STAT4: variants seen among roughly 807,000 people sequenced by gnomAD.
STAT4 encodes the protein signal transducer and activator of transcription 4.
In STAT4, 42 loss-of-function variants were observed where a neutral mutation model predicts 110.5. The ratio of observed to expected loss-of-function variants is 0.38; its 90% CI spans 0.30 to 0.49. STAT4 has a LOEUF of 0.49. Among genes scored for constraint, STAT4 ranks in the 20% least tolerant of loss-of-function variants. STAT4 has a pLI of 0.95. For synonymous variants in STAT4, 284 were observed against 302.2 expected, an observed-to-expected ratio of 0.94 and a Z score of 0.63; for missense variants, 632 against 887.9, an observed-to-expected ratio of 0.71 and a Z score of 3.66.
At chr2:191,081,949 C>T (rs1053016758) in intron 3 of STAT4, among the ~76,000 whole-genome samples, 6 of 152,056 alleles carry the variant, frequency 3.9e-5, no homozygotes, top group Admixed American at 2.6e-4. Context: ...TTAAGTGTAC[C>T]CTGCTCAGTC....
chr2:191,136,549 C>T (rs543897840), intron 3 of STAT4, among the ~76,000 whole-genome samples: 5 of 152,188 alleles, frequency 3.3e-5, no homozygotes, highest in South Asian at 4.2e-4. Flanking sequence ...GTCAGGAGTT[C>T]GAGACCAGCC....
At chr2:191,052,556 C>T (rs1275325209) in intron 14 of STAT4, among the ~76,000 whole-genome samples, 4 of 152,096 alleles carry the variant, frequency 2.6e-5, no homozygotes, top group Admixed American at 1.3e-4. Context: ...CCTAGATTTC[C>T]GTCTCTAGGG....
chr2:191,151,371 T>C (rs1699586189), upstream of STAT4: 1 of 985,678 alleles, frequency 1.0e-6, no homozygotes, highest in South Asian at 4.7e-5. The surrounding 1 kb of genome is among the most constrained non-coding windows in gnomAD (Gnocchi z 4.7). Flanking sequence ...CTCCCTAGTA[T>C]AAGGCTCCAC....
Position 191,091,599 on chromosome 2 carries a change from T to C in STAT4, c.274-15274A>G, listed in dbSNP as rs1697798374. Among the ~76,000 whole-genome samples the C allele has an allele frequency of 6.6e-6, 1 of 152,164 alleles. No homozygotes were observed. The highest frequency in any genetic ancestry group is 6.5e-5 in the Admixed American group (1 of 15,276). On this transcript the variant is annotated intron_variant, in intron 3 of 23. Coordinates refer to ENST00000392320, the MANE Select transcript of STAT4 (RefSeq NM_003151.4). The surrounding 1 kb of genome is among the most constrained non-coding windows in gnomAD (Gnocchi z 5.4). ...GTCAATGAAGTGATCTTAAAGTTCA[T>C]ATGTGACAGAAAATGTCTGACAACA... is the stretch of plus-strand genomic sequence containing the variant.
chr2:191,140,191 G>T lies in STAT4; in HGVS notation c.273+6422C>A, dbSNP rs529483411. Reference sequence around the variant, plus strand: ...ACTTCTAGGCATTGGCTTAGGCAAAGAATTCATGGCTAAGACCCCACAAGC... The same window carrying T: ...ACTTCTAGGCATTGGCTTAGGCAAATAATTCATGGCTAAGACCCCACAAGC... On this transcript the variant is annotated intron_variant, in intron 3 of 23. Coordinates refer to ENST00000392320, the MANE Select transcript of STAT4 (RefSeq NM_003151.4). This position sits in a 1 kb window ranked among gnomAD's most constrained non-coding sequence, Gnocchi z 4.4. 3.3e-5 allele frequency among the ~76,000 whole-genome samples: 5 copies of T among 152,282 alleles called. No individual in the cohort carries two copies. The highest frequency in any genetic ancestry group is 3.9e-4 in the East Asian group (2 of 5,186).
Position 191,042,156 on chromosome 2 carries a change from T to C in STAT4, c.1252-1008A>G, listed in dbSNP as rs1219816379. 6.6e-6 allele frequency among the ~76,000 whole-genome samples: 1 copy of C among 152,140 alleles called. No homozygotes were observed. Among genetic ancestry groups the C allele is most frequent in the Non-Finnish European group, 1.5e-5 (1 of 68,026 alleles). ...CTTTGAAACAGCCAGATTCTAATAA[T>C]CACCCTAAGTCTACAGTTCTCAACA... On this transcript the variant is annotated intron_variant, in intron 14 of 23. Coordinates refer to ENST00000392320, the MANE Select transcript of STAT4 (RefSeq NM_003151.4). The surrounding 1 kb of genome is among the most constrained non-coding windows in gnomAD (Gnocchi z 4.2).
intron 18 of STAT4, among the ~76,000 whole-genome samples, chr2:191,034,302 A>G (rs1009512068): frequency 6.6e-6 from 1 of 152,008 alleles, no homozygotes; most frequent in Non-Finnish European, 1.5e-5. Flanking sequence ...GGGTGCCTGT[A>G]GTCCCAGCTA....
rs965433158 is a variant in STAT4 at position 191,051,802 on chromosome 2, G to A, written c.1251+2688C>T. 8.2e-5 allele frequency among the ~76,000 whole-genome samples: 8 copies of A among 97,820 alleles called. No homozygotes were observed. Among genetic ancestry groups the A allele is most frequent in the Non-Finnish European group, 1.6e-4 (7 of 44,418 alleles). 64.2% of individuals were successfully genotyped at this position (97,820 alleles called of 152,430 possible). A position where few individuals can be genotyped will look rare whatever the true frequency, so the allele number is the denominator to read the frequency against. The stretch of plus-strand genomic sequence containing the variant: ...CAGGGACACGGGATCAGACTGCCAC[G>A]GTTTTATCTTGGCCCTGCCATCAAC... On this transcript the variant is annotated intron_variant, in intron 14 of 23. Transcript: ENST00000392320. This position sits in a 1 kb window ranked among gnomAD's most constrained non-coding sequence, Gnocchi z 5.6.
intron 3 of STAT4, among the ~76,000 whole-genome samples, chr2:191,095,005 G>A (rs1361660087): frequency 6.7e-6 from 1 of 148,434 alleles, no homozygotes; most frequent in Non-Finnish European, 1.5e-5. Context: ...AAGAGACAAA[G>A]AAGGCCATCA....
At chr2:191,065,211 G>A (rs1040095453) in intron 7 of STAT4, among the ~76,000 whole-genome samples, 1 of 152,128 alleles carries the variant, frequency 6.6e-6, no homozygotes, top group Admixed American at 6.5e-5. Context: ...TATTGAATGT[G>A]TAACTCCTGC....
Position 191,147,996 on chromosome 2 carries a change from T to C in STAT4, c.128+80A>G. 6.3e-7 allele frequency: 1 copy of C among 1,583,920 alleles called. No homozygotes were observed. Among genetic ancestry groups the C allele is most frequent in the African/African-American group, 1.4e-5 (1 of 73,294 alleles). On this transcript the variant is annotated intron_variant, in intron 2 of 23. Transcript: ENST00000392320. This position sits in a 1 kb window ranked among gnomAD's most constrained non-coding sequence, Gnocchi z 4.1. ...AAGAATGCATCTACTGAGTAAAAAG[T>C]GGACCATAAAATAAATTCACATGGA...
At position 191,035,791 on chromosome 2, in the gene STAT4, G is replaced by A. The variant is rs369061506; in HGVS notation, c.1570+373C>T. Among the ~76,000 whole-genome samples, 1 of 152,194 alleles carries A rather than the reference G, an allele frequency of 6.6e-6. No homozygotes were observed. Among genetic ancestry groups the A allele is most frequent in the African/African-American group, 2.4e-5 (1 of 41,448 alleles). ...ACGATCATATGAGGCACCATTAAGG[G>A]TTCACCTCATATTTAGTGGAAATAT... On this transcript the variant is annotated intron_variant, in intron 17 of 23. Coordinates refer to ENST00000392320, the MANE Select transcript of STAT4 (RefSeq NM_003151.4). The surrounding 1 kb of genome is among the most constrained non-coding windows in gnomAD (Gnocchi z 4.7).
At chr2:191,064,717 G>T in intron 8 of STAT4, 90 bp downstream of exon 8, 2 of 1,449,456 alleles carry the variant, frequency 1.4e-6, no homozygotes, top group Non-Finnish European at 1.8e-6. Context: ...AACTGATGTT[G>T]CAGTCTAAAC....
intron 3 of STAT4, among the ~76,000 whole-genome samples, chr2:191,081,515 C>A (rs1291205710): frequency 9.2e-5 from 14 of 152,156 alleles, no homozygotes; most frequent in Non-Finnish European, 1.8e-4. Flanking sequence ...TGTTTCCTGA[C>A]TTTTTAATGA....
chr2:191,037,972 T>C lies in STAT4; in HGVS notation c.1434+1227A>G, dbSNP rs1286724283. ...TGTTTTAGGAGCTGTATATTATCTA[T>C]AGCTCTAGATTCTCATCCTAGAGCC... On this transcript the variant is annotated intron_variant, in intron 16 of 23. Transcript: ENST00000392320. The surrounding 1 kb of genome is among the most constrained non-coding windows in gnomAD (Gnocchi z 4.8). 6.6e-6 allele frequency among the ~76,000 whole-genome samples: 1 copy of C among 152,226 alleles called. No homozygotes were observed.
rs768169551 is a variant in STAT4, at chr2:191,058,107, G to A, written c.1117C>T (p.Arg373Ter). ...IDKNVSTLSN[R>*]RFVLCGTNVK... The stretch of plus-strand genomic sequence containing the variant: ...TTAGTTCCACAAAGTACAAATCTTC[G>A]GTTGCTGGAGAGGAAATCTTAGCTA... The change falls in exon 13 of 24, where the codon CGA becomes TGA. Residue 373 changes from arginine (R) to a stop codon, truncating the protein, a stop_gained. Coordinates refer to ENST00000392320, the MANE Select transcript of STAT4 (RefSeq NM_003151.4). LOFTEE classifies it high-confidence loss of function. This position sits in a 1 kb window ranked among gnomAD's most constrained non-coding sequence, Gnocchi z 4.3. 4 of 1,613,694 alleles carry A rather than the reference G, an allele frequency of 2.5e-6. No individual in the cohort carries two copies. The highest frequency in any genetic ancestry group is 3.4e-6 in the Non-Finnish European group (4 of 1,179,774).
In STAT4 at chr2:191,099,643, A is replaced by T. The variant is rs184553397; in HGVS notation, c.274-23318T>A. Among the ~76,000 whole-genome samples, 7 of 152,302 alleles carry T rather than the reference A, an allele frequency of 4.6e-5. No homozygotes were observed. The highest frequency in any genetic ancestry group is 1.3e-4 in the Admixed American group (2 of 15,294). On this transcript the variant is annotated intron_variant, in intron 3 of 23. Transcript: ENST00000392320. This position sits in a 1 kb window ranked among gnomAD's most constrained non-coding sequence, Gnocchi z 4.1. ...ACACACATGTACACATTATATTTTTAAAAATATCCACAAATTATATCTTTT... is the reference window on the plus strand; with the variant it reads ...ACACACATGTACACATTATATTTTTTAAAATATCCACAAATTATATCTTTT...
intron 3 of STAT4, among the ~76,000 whole-genome samples, chr2:191,085,605 C>T (rs1697615397): frequency 6.6e-6 from 1 of 152,090 alleles, no homozygotes; most frequent in Non-Finnish European, 1.5e-5. Flanking sequence ...TGTGGATGTT[C>T]TAAAACTTTT....
intron 14 of STAT4, among the ~76,000 whole-genome samples, chr2:191,047,771 T>C (rs1425416187): frequency 6.6e-6 from 1 of 152,198 alleles, no homozygotes; most frequent in Non-Finnish European, 1.5e-5. Flanking sequence ...GTTCAAGCGA[T>C]TCTCCTGCCT....
Sources: allele counts gnomAD v4.1 joint callset (sites outside exome capture counted in the v4.1 genomes callset), GRCh38; gene constraint gnomAD v4.1.1; non-coding constraint Gnocchi (gnomAD v3.1); transcripts MANE v1.5; gene names NCBI Gene and HGNC (gene_info 2026-07-23, HGNC 2026-07-21).